ERBB4: variants seen among roughly 807,000 people sequenced by gnomAD.
ERBB4 encodes receptor tyrosine-protein kinase erbB-4.
Under a neutral mutation model 158.0 loss-of-function variants are expected in ERBB4, and 42 were observed. That is an observed-to-expected ratio of 0.27 (90% CI 0.21 to 0.34). ERBB4 has a LOEUF of 0.34. Among genes scored for constraint, ERBB4 ranks in the 10% least tolerant of loss-of-function variants. The pLI, the probability that ERBB4 is intolerant of heterozygous loss-of-function variation, is 1.00. For synonymous variants in ERBB4, 583 were observed against 558.7 expected (o/e 1.04, Z -0.61); for missense variants, 1,333 against 1,624.1 (o/e 0.82, Z 3.08).
intron 1 of ERBB4, among the ~76,000 whole-genome samples, chr2:212,458,423 AGT>A (rs1252008261): frequency 2.0e-5 from 3 of 152,126 alleles, no homozygotes; most frequent in Middle Eastern, 3.2e-3. Flanking sequence ...TGCATGAGAA[AGT>A]GTATCATTTG....
At chr2:211,820,085 T>C (rs1292991938) in intron 3 of ERBB4, among the ~76,000 whole-genome samples, 3 of 151,890 alleles carry the variant, frequency 2.0e-5, no homozygotes, top group Admixed American at 6.6e-5. Flanking sequence ...ATTATTCTAA[T>C]GGTTAATTGA....
intron 3 of ERBB4, among the ~76,000 whole-genome samples, chr2:211,793,529 A>G (rs2105869832): frequency 6.6e-6 from 1 of 152,078 alleles, no homozygotes; most frequent in Non-Finnish European, 1.5e-5. Flanking sequence ...AGCAAAACCC[A>G]TTTTCAAGAT....
intron 1 of ERBB4, among the ~76,000 whole-genome samples, chr2:212,404,104 G>A (rs959574905): frequency 1.3e-5 from 2 of 151,912 alleles, no homozygotes; most frequent in Non-Finnish European, 2.9e-5. Context: ...GAGATGCAAA[G>A]TTTATTCACA....
intron 20 of ERBB4, among the ~76,000 whole-genome samples, chr2:211,448,024 G>A (rs1220552811): frequency 6.6e-6 from 1 of 152,060 alleles, no homozygotes; most frequent in Non-Finnish European, 1.5e-5. Context: ...CCAGGATGGA[G>A]TGCAGTGGCA....
Position 211,488,667 on chromosome 2 carries a change from T to A in ERBB4, c.2488-57567A>T, listed in dbSNP as rs553081544. 2.6e-5 allele frequency among the ~76,000 whole-genome samples: 4 copies of A among 152,192 alleles called. No homozygotes were observed. In the East Asian group the frequency reaches 5.8e-4, roughly 22 times the overall value. On this transcript the variant is annotated intron_variant, in intron 20 of 27. Coordinates refer to ENST00000342788, the MANE Select transcript of ERBB4 (RefSeq NM_005235.3). The stretch of plus-strand genomic sequence containing the variant: ...TAAAAGATACACTGAATTTATGGTA[T>A]AAAACTTACCTGAAAAGGAAAGTAG...
rs927343149 is a variant in ERBB4 at position 211,893,656 on chromosome 2, A to G, written c.421+53774T>C. 4.3e-4 allele frequency among the ~76,000 whole-genome samples: 56 copies of G among 129,240 alleles called. 5 individuals are homozygous for G. The highest frequency in any genetic ancestry group is 1.9e-3 in the African/African-American group (55 of 28,768). The allele number at this position is 129,240 out of a possible 152,430, so 84.8% of individuals were successfully genotyped here. A position where few individuals can be genotyped will look rare whatever the true frequency, so the allele number is the denominator to read the frequency against. On this transcript the variant is annotated intron_variant, in intron 3 of 27. Coordinates refer to ENST00000342788, the MANE Select transcript of ERBB4 (RefSeq NM_005235.3). ...AAATGGGAGAAAATTTTCGCAACCT[A>G]CTCATCTGACAAAGGGCTAATATCC...
intron 1 of ERBB4, among the ~76,000 whole-genome samples, chr2:212,303,433 G>A (rs1477760656): frequency 8.1e-6 from 1 of 124,134 alleles, no homozygotes; most frequent in Non-Finnish European, 1.8e-5. Flanking sequence ...CACAAATTGG[G>A]AGGAACTTTG....
At chr2:212,147,157 AT>A (rs71397161) in intron 1 of ERBB4, among the ~76,000 whole-genome samples, 51 of 34,250 alleles carry the variant, frequency 1.5e-3, no homozygotes, top group East Asian at 1.9e-3. Context: ...TGCCCAGCTA[AT>A]TTTTTTTTTT....
intron 1 of ERBB4, among the ~76,000 whole-genome samples, chr2:212,244,429 C>A (rs886458074): frequency 7.2e-5 from 11 of 152,076 alleles, no homozygotes; most frequent in African/African-American, 2.7e-4. Context: ...AAAAACTCTG[C>A]AAGGCAGAAT....
intron 1 of ERBB4, among the ~76,000 whole-genome samples, chr2:212,245,423 T>C (rs1574509206): frequency 6.6e-6 from 1 of 152,190 alleles, no homozygotes; most frequent in East Asian, 1.9e-4. Context: ...ATGGAAGCTA[T>C]CCTCCTATAA....
At chr2:211,859,675 G>T (rs1458301698) in intron 3 of ERBB4, among the ~76,000 whole-genome samples, 1 of 152,086 alleles carries the variant, frequency 6.6e-6, no homozygotes, top group East Asian at 1.9e-4. Flanking sequence ...GAAATATTTT[G>T]GGGGTGGTGA....
chr2:212,426,563 T>C (rs1196738218), intron 1 of ERBB4, among the ~76,000 whole-genome samples: 4 of 152,070 alleles, frequency 2.6e-5, no homozygotes, highest in Admixed American at 2.6e-4. Context: ...GCACCATAAA[T>C]ATATTTATTG....
intron 1 of ERBB4, among the ~76,000 whole-genome samples, chr2:212,353,288 C>A (rs1039287622): frequency 2.0e-5 from 3 of 151,198 alleles, no homozygotes; most frequent in Admixed American, 6.6e-5. Context: ...TAATTTGTAT[C>A]ATTATACAAA....
At chr2:211,901,742 T>G (rs527403811) in intron 3 of ERBB4, among the ~76,000 whole-genome samples, 1 of 152,246 alleles carries the variant, frequency 6.6e-6, no homozygotes, top group Admixed American at 6.5e-5. Flanking sequence ...GCCTAATAGC[T>G]TTTTTCCTAT....
chr2:212,449,846 A>T (rs1339631361), intron 1 of ERBB4, among the ~76,000 whole-genome samples: 2 of 125,874 alleles, frequency 1.6e-5, no homozygotes, highest in Admixed American at 7.2e-5. Flanking sequence ...ATAGCTACTG[A>T]TATAGCTATA....
In ERBB4 at chr2:212,198,105, CA is replaced by C. The variant is rs991536842; in HGVS notation, c.83-73203del. Among the ~76,000 whole-genome samples, 3 of 152,188 alleles carry C rather than the reference CA, an allele frequency of 2.0e-5. No homozygotes were observed. The South Asian group carries it at 6.2e-4, about 32-fold the overall frequency. Reference sequence around the variant, plus strand: ...TATGAGAATGTTTAATTGATAGAAACAATATTCACTATCATAAGGGAATAAT... The same window carrying C: ...TATGAGAATGTTTAATTGATAGAAACATATTCACTATCATAAGGGAATAAT... On this transcript the variant is annotated intron_variant, in intron 1 of 27. Transcript: ENST00000342788.
intron 3 of ERBB4, among the ~76,000 whole-genome samples, chr2:211,842,311 T>C (rs777086021): frequency 2.6e-5 from 4 of 151,800 alleles, no homozygotes; most frequent in Non-Finnish European, 5.9e-5. Context: ...TTAGCAAACA[T>C]TTTTCCTTGT....
At chr2:212,113,674 G>A (rs1190750042) in intron 2 of ERBB4, among the ~76,000 whole-genome samples, 3 of 150,918 alleles carry the variant, frequency 2.0e-5, no homozygotes. Flanking sequence ...GAAGGAGAAA[G>A]TGAAAGTTGT....
intron 1 of ERBB4, among the ~76,000 whole-genome samples, chr2:212,393,449 A>T (rs116647185): frequency 0.023 from 3,459 of 152,184 alleles, 58 homozygotes; most frequent in Non-Finnish European, 0.035. Flanking sequence ...TAATAATAAC[A>T]TATGAAATAA....
Sources: allele counts gnomAD v4.1 joint callset (sites outside exome capture counted in the v4.1 genomes callset), GRCh38; gene constraint gnomAD v4.1.1; transcripts MANE v1.5; gene names NCBI Gene and HGNC (gene_info 2026-07-23, HGNC 2026-07-21).